The following FUNDC1 variants were observed in gnomAD, a reference collection of about 807,000 sequenced individuals.
FUNDC1 encodes the protein FUN14 domain containing 1.
FUNDC1 carries 10 observed loss-of-function variants against 14.5 expected under a neutral mutation model. That is an observed-to-expected ratio of 0.69 (90% CI 0.43 to 1.17). The LOEUF (loss-of-function observed/expected upper bound fraction) is 1.17, where lower values mean the gene tolerates loss of function less well. Ranked by LOEUF, FUNDC1 falls within the 50% of genes most tolerant of loss-of-function variation. The pLI, the probability that FUNDC1 is intolerant of heterozygous loss-of-function variation, is 0.00. For synonymous variants in FUNDC1, 33 were observed against 39.7 expected (o/e 0.83, Z 0.64); for missense variants, 115 against 113.8 (o/e 1.01, Z -0.05).
chrX:44,530,890 T>A (rs12395230), intron 3 of FUNDC1, among the ~76,000 whole-genome samples: 15,557 of 109,751 alleles, frequency 0.14, 1,785 homozygotes, highest in African/African-American at 0.38. Context: ...ATCTCGCCAC[T>A]GCATTCCAGC....
intron 3 of FUNDC1, among the ~76,000 whole-genome samples, chrX:44,533,627 C>CAAAAAAA (rs1156843539): frequency 1.1e-4 from 2 of 18,725 alleles, no homozygotes; most frequent in African/African-American, 5.0e-4. Flanking sequence ...GACTCCGTCT[C>CAAAAAAA]AAAAAAAAAA....
At chrX:44,539,854 A>C (rs1223723642) in intron 2 of FUNDC1, among the ~76,000 whole-genome samples, 1 of 109,750 alleles carries the variant, frequency 9.1e-6, no homozygotes, top group Non-Finnish European at 1.9e-5. Context: ...TTTAGTAGAG[A>C]CGGGGTTTCA....
Position 44,541,956 on chromosome X carries a change from G to A in FUNDC1, c.174C>T (p.Gly58=), listed in dbSNP as rs777050669. Residue 58 remains glycine (G), a synonymous_variant, in exon 2 of 5, where the codon GGC becomes GGT. Coordinates refer to ENST00000378045, the MANE Select transcript of FUNDC1 (RefSeq NM_173794.4). ...GACGTTGTTCTCACCAGCCAGTAAC[G>A]CCACCCATTACAATCTGGGTAGCTA... ...YSVATQIVMG[G]VTGWCAGFLF... 1 of 1,203,702 alleles carries A rather than the reference G, an allele frequency of 8.3e-7. No individual in the cohort carries two copies. Among genetic ancestry groups the A allele is most frequent in the Non-Finnish European group, 1.1e-6 (1 of 892,505 alleles).
rs368270476 is a variant in FUNDC1, at chrX:44,538,493, C to T, written c.235G>A (p.Val79Ile). The stretch of plus-strand genomic sequence containing the variant: ...TGAAGAAGAAGAAAGCCACCACCTA[C>T]TGCAGTTGCTGCAAGTTTTCCAACT... ...QKVGKLAATAVGGGFLLLQIA... is the reference protein window; with the variant it reads ...QKVGKLAATAIGGGFLLLQIA... The change falls in exon 3 of 5, where the codon GTA (valine) becomes ATA (isoleucine). Residue 79 changes from valine (V) to isoleucine (I), a missense_variant. Val to Ile is a conservative substitution (Grantham distance 29, BLOSUM62 3). Transcript: ENST00000378045. The T allele has an allele frequency of 3.3e-6, 4 of 1,205,542 alleles. No homozygotes were observed. The highest frequency in any genetic ancestry group is 4.5e-6 in the Non-Finnish European group (4 of 890,974).
intron 3 of FUNDC1, among the ~76,000 whole-genome samples, chrX:44,533,155 C>T (rs1378404934): frequency 9.0e-6 from 1 of 111,557 alleles, no homozygotes; most frequent in Non-Finnish European, 1.9e-5. Context: ...TCTCACAAGC[C>T]TTCTTGGTCT....
chrX:44,534,754 A>T (rs1176325145), intron 3 of FUNDC1, among the ~76,000 whole-genome samples: 1 of 112,303 alleles, frequency 8.9e-6, no homozygotes, highest in African/African-American at 3.2e-5. Context: ...AAAATGAAGA[A>T]ATTTTCAGAC....
At chrX:44,530,436 T>C (rs2038917846) in intron 3 of FUNDC1, among the ~76,000 whole-genome samples, 1 of 109,000 alleles carries the variant, frequency 9.2e-6, no homozygotes, top group African/African-American at 3.4e-5. Flanking sequence ...TGAAACCCTA[T>C]CTCTACTAAA....
At chrX:44,540,943 G>A (rs1014342451) in intron 2 of FUNDC1, among the ~76,000 whole-genome samples, 3 of 110,640 alleles carry the variant, frequency 2.7e-5, no homozygotes, top group East Asian at 2.8e-4. Flanking sequence ...AATAAATGCC[G>A]CACCTCTGCA....
intron 2 of FUNDC1, among the ~76,000 whole-genome samples, chrX:44,539,682 T>G (rs1369938833): frequency 1.8e-5 from 2 of 111,557 alleles, no homozygotes; most frequent in African/African-American, 6.5e-5. Flanking sequence ...ATTAATTTAT[T>G]TTTTAGATGG....
intron 3 of FUNDC1, among the ~76,000 whole-genome samples, chrX:44,535,900 C>T (rs767148622): frequency 1.9e-5 from 2 of 105,123 alleles, no homozygotes; most frequent in Non-Finnish European, 3.9e-5. Flanking sequence ...GAAAGAGAAT[C>T]GCTTGAACCC....
chrX:44,536,911 T>A (rs1483910512), intron 3 of FUNDC1, among the ~76,000 whole-genome samples: 1 of 112,318 alleles, frequency 8.9e-6, no homozygotes, highest in African/African-American at 3.2e-5. Flanking sequence ...CTTGATATTG[T>A]TACTAGAAAA....
At chrX:44,526,018 C>T (rs1444322928) in intron 4 of FUNDC1, among the ~76,000 whole-genome samples, 1 of 108,804 alleles carries the variant, frequency 9.2e-6, no homozygotes, top group African/African-American at 3.4e-5. Flanking sequence ...GTGGGAGGAC[C>T]ATTTGAGCCA....
chrX:44,523,745 TAAA>T lies in FUNDC1; in HGVS notation c.*450_*452del, dbSNP rs200619955. 2 of 104,188 alleles carry T rather than the reference TAAA, an allele frequency of 1.9e-5. No homozygotes were observed. The highest frequency in any genetic ancestry group is 2.1e-4 in the Admixed American group (2 of 9,427). The allele number at this position is 104,188 out of a possible 1,213,427, so 8.6% of individuals were successfully genotyped here. A position where few individuals can be genotyped will look rare whatever the true frequency, so the allele number is the denominator to read the frequency against. On this transcript the variant is annotated 3_prime_UTR_variant, in exon 5 of 5. Transcript: ENST00000378045. The stretch of plus-strand genomic sequence containing the variant: ...TTTTTAACTTATTGCAAACATATCT[TAAA>T]AAAAAAAAGTCAGCCTTAATACTGA...
intron 3 of FUNDC1, among the ~76,000 whole-genome samples, chrX:44,535,145 AAAAC>A (rs757896901): frequency 2.7e-5 from 3 of 110,756 alleles, no homozygotes; most frequent in Non-Finnish European, 5.7e-5. Context: ...ACTGTCTCAA[AAAAC>A]AAACAAACAA....
rs370665681 is a variant in FUNDC1, at chrX:44,541,837, T to G, written c.185+108A>C. ...ACTCAGAGAAAAGCCTCTTCTGGAA[T>G]TAACAGTGTAGACCTACTGCCTGTG... On this transcript the variant is annotated intron_variant, in intron 2 of 4. Coordinates refer to ENST00000378045, the MANE Select transcript of FUNDC1 (RefSeq NM_173794.4). The G allele has an allele frequency of 1.1e-5, 7 of 635,732 alleles. No individual in the cohort carries two copies. The East Asian group carries it at 1.2e-4, about 10-fold the overall frequency. The allele number at this position is 635,732 out of a possible 1,213,427, so 52.4% of individuals were successfully genotyped here. A position where few individuals can be genotyped will look rare whatever the true frequency, so the allele number is the denominator to read the frequency against.
chrX:44,537,657 G>A (rs2038954108), intron 3 of FUNDC1, among the ~76,000 whole-genome samples: 1 of 111,842 alleles, frequency 8.9e-6, no homozygotes, highest in African/African-American at 3.2e-5. Context: ...TTACATGATC[G>A]ATGGCTTAGG....
chrX:44,529,302 T>C (rs1027386939), intron 3 of FUNDC1, among the ~76,000 whole-genome samples: 8 of 112,055 alleles, frequency 7.1e-5, no homozygotes, highest in Non-Finnish European at 1.3e-4. Flanking sequence ...TTGTCACTGA[T>C]AATTAGTAAA....
At chrX:44,524,813 G>C (rs958693358) in intron 4 of FUNDC1, among the ~76,000 whole-genome samples, 5 of 111,025 alleles carry the variant, frequency 4.5e-5, no homozygotes, top group Non-Finnish European at 9.4e-5. Context: ...TAAGCTCCTT[G>C]GCTATTGAGA....
At chrX:44,533,157 T>TC (rs2038933092) in intron 3 of FUNDC1, among the ~76,000 whole-genome samples, 1 of 111,669 alleles carries the variant, frequency 9.0e-6, no homozygotes, top group African/African-American at 3.3e-5. Context: ...TCACAAGCCT[T>TC]CTTGGTCTAT....
Sources: allele counts gnomAD v4.1 joint callset (sites outside exome capture counted in the v4.1 genomes callset), GRCh38; gene constraint gnomAD v4.1.1; transcripts MANE v1.5; gene names NCBI Gene and HGNC (gene_info 2026-07-23, HGNC 2026-07-21).